EFCAB11: variants seen among roughly 807,000 people sequenced by gnomAD.
EFCAB11 encodes EF-hand calcium-binding domain-containing protein 11.
In EFCAB11, 14 loss-of-function variants were observed where a neutral mutation model predicts 23.0. The observed-to-expected ratio is 0.61, with a 90% CI of 0.40 to 0.95. The LOEUF is 0.95. EFCAB11 is among the 40% of genes least tolerant of loss of function. The pLI, the probability that EFCAB11 is intolerant of heterozygous loss-of-function variation, is 0.00. For missense variants in EFCAB11, 198 were observed against 195.8 expected (o/e 1.01, Z -0.07); for synonymous variants, 65 against 66.6 (o/e 0.98, Z 0.11).
intron 5 of EFCAB11, among the ~76,000 whole-genome samples, chr14:89,879,845 T>C (rs1888548670): frequency 6.6e-6 from 1 of 152,138 alleles, no homozygotes; most frequent in Non-Finnish European, 1.5e-5. Context: ...TTTCTAATTA[T>C]AAAAAGAGAA....
At chr14:89,826,191 T>G (rs149947710) in intron 5 of EFCAB11, among the ~76,000 whole-genome samples, 40 of 152,288 alleles carry the variant, frequency 2.6e-4, no homozygotes, top group African/African-American at 9.6e-4. Flanking sequence ...GTATCATATA[T>G]ATATATAGTG....
At chr14:89,948,650 T>A (rs963576186) in intron 3 of EFCAB11, among the ~76,000 whole-genome samples, 18 of 152,202 alleles carry the variant, frequency 1.2e-4, no homozygotes, top group African/African-American at 4.3e-4. Context: ...GGAGTACTAT[T>A]CAGCAATAAA....
At chr14:89,843,872 T>C (rs967800153) in intron 5 of EFCAB11, among the ~76,000 whole-genome samples, 4 of 152,270 alleles carry the variant, frequency 2.6e-5, no homozygotes, top group Admixed American at 1.3e-4. Context: ...CCTTCATGTA[T>C]TGAGAAACTG....
At chr14:89,924,947 A>G (rs961040203) in intron 5 of EFCAB11, among the ~76,000 whole-genome samples, 5 of 152,282 alleles carry the variant, frequency 3.3e-5, no homozygotes, top group Non-Finnish European at 5.9e-5. Flanking sequence ...GATTACAGAT[A>G]TAAGTCCATA....
intron 5 of EFCAB11, among the ~76,000 whole-genome samples, chr14:89,891,874 G>T (rs1371237453): frequency 6.6e-6 from 1 of 152,046 alleles, no homozygotes. Flanking sequence ...CGCTGCTGCG[G>T]AGCTACGTGG....
intron 5 of EFCAB11, among the ~76,000 whole-genome samples, chr14:89,828,376 T>C (rs879471975): frequency 8.5e-5 from 13 of 152,214 alleles, no homozygotes; most frequent in Non-Finnish European, 1.9e-4. Flanking sequence ...CCTCAATTTA[T>C]GGAGGTGAAA....
At chr14:89,840,412 A>C (rs1008433089) in intron 5 of EFCAB11, among the ~76,000 whole-genome samples, 30 of 152,202 alleles carry the variant, frequency 2.0e-4, no homozygotes, top group Non-Finnish European at 1.5e-5. Context: ...TATCCCCCAA[A>C]AGCAATAATC....
chr14:89,924,800 T>A lies in EFCAB11; in HGVS notation c.410+6741A>T. On this transcript the variant is annotated intron_variant, in intron 5 of 5. Coordinates refer to ENST00000316738, the MANE Select transcript of EFCAB11 (RefSeq NM_145231.4). ...TCCTGACTGCATTTTAAAGGACTCT[T>A]TCCTAGTTTATGAGAAATAAATTAA... 5 of 1,091,790 alleles carry A rather than the reference T, an allele frequency of 4.6e-6. No homozygotes were observed. The South Asian group carries it at 7.6e-5, about 17-fold the overall frequency. 67.6% of individuals were successfully genotyped at this position (1,091,790 alleles called of 1,614,324 possible).
Position 89,954,371 on chromosome 14 carries a change from A to G in EFCAB11, c.75+215T>C, listed in dbSNP as rs1204985522. 3.9e-6 allele frequency: 6 copies of G among 1,535,830 alleles called. No individual in the cohort carries two copies. In the Admixed American group the frequency reaches 9.8e-5, roughly 25 times the overall value. On this transcript the variant is annotated intron_variant, in intron 1 of 5. Transcript: ENST00000316738. ...CAAGGTTACCATTAATAGACTATAT[A>G]GAGAGAAAGGAGATGGAACTTGGAG...
intron 5 of EFCAB11, among the ~76,000 whole-genome samples, chr14:89,819,803 C>G (rs1596381885): frequency 6.6e-6 from 1 of 152,002 alleles, no homozygotes; most frequent in African/African-American, 2.4e-5. Flanking sequence ...CATGTGTATA[C>G]ATACCAAAAA....
rs190748809 is a variant in EFCAB11 at position 89,794,698 on chromosome 14, C to T, written c.*2545G>A. Reference sequence around the variant, plus strand: ...TATTTGAAATAAGATTTTATTTTTACTTGATTTTCAATGTTTTCTTCATTT... The same window carrying T: ...TATTTGAAATAAGATTTTATTTTTATTTGATTTTCAATGTTTTCTTCATTT... On this transcript the variant is annotated 3_prime_UTR_variant, in exon 6 of 6. Transcript: ENST00000316738. 2.0e-5 allele frequency: 3 copies of T among 152,120 alleles called. No individual in the cohort carries two copies. Among genetic ancestry groups the T allele is most frequent in the African/African-American group, 4.8e-5 (2 of 41,436 alleles). 9.4% of individuals were successfully genotyped at this position (152,120 alleles called of 1,614,324 possible).
intron 5 of EFCAB11, among the ~76,000 whole-genome samples, chr14:89,918,411 C>T (rs1188377104): frequency 1.3e-5 from 2 of 151,708 alleles, no homozygotes; most frequent in African/African-American, 2.4e-5. Context: ...TGGTAGCACA[C>T]GTCTGTAATC....
At chr14:89,941,396 A>G (rs760053612) in intron 3 of EFCAB11, among the ~76,000 whole-genome samples, 1 of 152,108 alleles carries the variant, frequency 6.6e-6, no homozygotes, top group African/African-American at 2.4e-5. Context: ...TTTTGTCACA[A>G]TTAGGAGTAT....
intron 5 of EFCAB11, among the ~76,000 whole-genome samples, chr14:89,853,601 A>C (rs1596402556): frequency 6.6e-6 from 1 of 152,218 alleles, no homozygotes; most frequent in Non-Finnish European, 1.5e-5. Context: ...GCCTGTCCTC[A>C]CTTCACCTGC....
At chr14:89,937,700 A>AT (rs1302623650) in intron 3 of EFCAB11, among the ~76,000 whole-genome samples, 1 of 151,948 alleles carries the variant, frequency 6.6e-6, no homozygotes, top group Non-Finnish European at 1.5e-5. Flanking sequence ...TAATTTTTGT[A>AT]TTTTTAGTAG....
At chr14:89,909,789 G>A (rs752104722) in intron 5 of EFCAB11, among the ~76,000 whole-genome samples, 17 of 152,108 alleles carry the variant, frequency 1.1e-4, no homozygotes, top group Non-Finnish European at 1.9e-4. Context: ...CTAACTATGC[G>A]TAACAACTCT....
chr14:89,814,071 G>GAA (rs375044305), intron 5 of EFCAB11, among the ~76,000 whole-genome samples: 1 of 123,624 alleles, frequency 8.1e-6, no homozygotes, highest in African/African-American at 2.8e-5. Flanking sequence ...CCTGGGGGGA[G>GAA]AAAAAAAAAA....
At chr14:89,836,926 G>A (rs1887101936) in intron 5 of EFCAB11, 3 of 427,998 alleles carry the variant, frequency 7.0e-6, no homozygotes, top group South Asian at 5.0e-5. Context: ...GGCTGAGGCA[G>A]GAGAATTGCT....
At chr14:89,903,179 C>A (rs901331342) in intron 5 of EFCAB11, among the ~76,000 whole-genome samples, 9 of 152,182 alleles carry the variant, frequency 5.9e-5, no homozygotes, top group Non-Finnish European at 1.2e-4. Context: ...CTACCCCTTA[C>A]AAAACAAATT....
Sources: gnomAD v4.1 joint callset for allele counts (sites outside exome capture counted in the v4.1 genomes callset) on GRCh38, gnomAD v4.1.1 for gene constraint, MANE v1.5 for transcripts, NCBI Gene and HGNC (gene_info 2026-07-23, HGNC 2026-07-21) for gene names.